HMOX2: variants seen among roughly 807,000 people sequenced by gnomAD.
HMOX2 encodes heme oxygenase 2.
Under a neutral mutation model 33.7 loss-of-function variants are expected in HMOX2, and 30 were observed. The ratio of observed to expected loss-of-function variants is 0.89; its 90% CI spans 0.67 to 1.21. The LOEUF is 1.21. Ranked by LOEUF, HMOX2 falls within the 50% of genes most tolerant of loss-of-function variation. The pLI is 0.00. For missense variants in HMOX2, 403 were observed against 399.1 expected (o/e 1.01, Z -0.08); for synonymous variants, 155 against 155.0 (o/e 1.00, Z 0.00).
Position 4,509,827 on chromosome 16 carries a change from C to T in HMOX2, c.*71C>T. On this transcript the variant is annotated 3_prime_UTR_variant, in exon 6 of 6. Transcript: ENST00000570646. ...GGCCTACCCCTTTCTCCAGCCCTGA[C>T]TAAACTACCACCTCAGGTGACTTTT... The T allele has an allele frequency of 6.6e-7, 1 of 1,508,800 alleles. No homozygotes were observed. Among genetic ancestry groups the T allele is most frequent in the Non-Finnish European group, 9.0e-7 (1 of 1,113,462 alleles). 93.5% of individuals were successfully genotyped at this position (1,508,800 alleles called of 1,614,324 possible).
intron 1 of HMOX2, among the ~76,000 whole-genome samples, chr16:4,480,102 C>T (rs1277592347): frequency 2.6e-5 from 4 of 151,620 alleles, no homozygotes; most frequent in Admixed American, 1.3e-4. Context: ...GGCTGGAGTA[C>T]AGTGATCTGA....
Position 4,507,782 on chromosome 16 carries a change from C to G in HMOX2, c.274C>G (p.Pro92Ala), listed in dbSNP as rs1457269941. The change falls in exon 4 of 6, where the codon CCA becomes GCA. Residue 92 changes from proline (P) to alanine (A), a missense_variant. Transcript: ENST00000570646. ...GGAAATGGAGCGCAACAAGGACCAT[C>G]CAGCCTTTGCCCCTTTGTACTTCCC... ...EEEMERNKDH[P>A]AFAPLYFPME... is the part of the protein sequence containing the mutation. 6.2e-7 allele frequency: 1 copy of G among 1,614,178 alleles called. No individual in the cohort carries two copies. Among genetic ancestry groups the G allele is most frequent in the Non-Finnish European group, 8.5e-7 (1 of 1,180,026 alleles).
chr16:4,476,870 C>T (rs1053108220), intron 1 of HMOX2, among the ~76,000 whole-genome samples: 1 of 152,192 alleles, frequency 6.6e-6, no homozygotes, highest in Non-Finnish European at 1.5e-5. Flanking sequence ...CTGGGGGCGT[C>T]GGCGGTGCAG....
chr16:4,505,498 G>A lies in HMOX2; in HGVS notation c.-27G>A. On this transcript the variant is annotated 5_prime_UTR_variant, in exon 2 of 6. Coordinates refer to ENST00000570646, the MANE Select transcript of HMOX2 (RefSeq NM_002134.4). ...TGTCTCTGCAGGACCAGAGGAGCGA[G>A]AGCAGCAAGAACCACACCCAGCAGC... 1.9e-6 allele frequency: 3 copies of A among 1,570,662 alleles called. No homozygotes were observed. The highest frequency in any genetic ancestry group is 2.6e-6 in the Non-Finnish European group (3 of 1,150,012).
chr16:4,485,587 G>T (rs190295142), intron 1 of HMOX2, among the ~76,000 whole-genome samples: 4 of 152,114 alleles, frequency 2.6e-5, no homozygotes, highest in African/African-American at 9.7e-5. Context: ...GGGAAGAGAA[G>T]GAAGGAGGCC....
intron 1 of HMOX2, among the ~76,000 whole-genome samples, chr16:4,493,279 C>T (rs1199271612): frequency 6.6e-6 from 1 of 152,194 alleles, no homozygotes; most frequent in Non-Finnish European, 1.5e-5. Flanking sequence ...CAGTCTCAAA[C>T]TCCTAGGCTC....
At chr16:4,507,143 G>A (rs2058714498) in intron 3 of HMOX2, 131 bp downstream of exon 3, 1 of 696,746 alleles carries the variant, frequency 1.4e-6, no homozygotes. Context: ...ATTCCTTCTT[G>A]ACGTTAAGCT....
intron 1 of HMOX2, among the ~76,000 whole-genome samples, chr16:4,490,414 G>A (rs1391756481): frequency 2.0e-5 from 3 of 152,110 alleles, no homozygotes; most frequent in African/African-American, 7.2e-5. Context: ...TAGCAGACCT[G>A]GTAGTAGAAG....
rs148777958 is a variant in HMOX2, at chr16:4,483,297, C to T, written c.-42+6810C>T. Among the ~76,000 whole-genome samples, 11 of 151,122 alleles carry T rather than the reference C, an allele frequency of 7.3e-5. No homozygotes were observed. The East Asian group carries it at 2.2e-3, about 30-fold the overall frequency. ...CTGGTGATCAACTCAACCTTTAGACCTTCTCCCGTCCCCTGAGGTTAAGGG... is the reference window on the plus strand; with the variant it reads ...CTGGTGATCAACTCAACCTTTAGACTTTCTCCCGTCCCCTGAGGTTAAGGG... On this transcript the variant is annotated intron_variant, in intron 1 of 5. Coordinates refer to ENST00000570646, the MANE Select transcript of HMOX2 (RefSeq NM_002134.4).
rs187739644 is a variant in HMOX2, at chr16:4,484,863, T to C, written c.-42+8376T>C. 1.4e-3 allele frequency among the ~76,000 whole-genome samples: 217 copies of C among 152,308 alleles called. 5 individuals carry two copies. The highest frequency in any genetic ancestry group is 0.013 in the Admixed American group (199 of 15,294). Reference sequence around the variant, plus strand: ...ATTTATAATACCCAATACAGTGCTATGTAAATAGTTGTTATACTGTATCGT... The same window carrying C: ...ATTTATAATACCCAATACAGTGCTACGTAAATAGTTGTTATACTGTATCGT... On this transcript the variant is annotated intron_variant, in intron 1 of 5. Transcript: ENST00000570646.
chr16:4,500,843 G>GT (rs1171213946), intron 1 of HMOX2, among the ~76,000 whole-genome samples: 2 of 152,198 alleles, frequency 1.3e-5, no homozygotes, highest in South Asian at 4.1e-4. Flanking sequence ...TTTGCTTGAA[G>GT]TAACTGTGAT....
rs192255825 is a variant in HMOX2, at chr16:4,478,064, A to G, written c.-42+1577A>G. On this transcript the variant is annotated intron_variant, in intron 1 of 5. Coordinates refer to ENST00000570646, the MANE Select transcript of HMOX2 (RefSeq NM_002134.4). ...GTTTAAACACTGGTGAGGGTGTGGG[A>G]ATTTGTGGAGCCTTGGAAACACACT... Among the ~76,000 whole-genome samples the G allele has an allele frequency of 2.0e-5, 3 of 152,286 alleles. No homozygotes were observed. In the East Asian group the frequency reaches 5.8e-4, roughly 29 times the overall value.
At chr16:4,485,922 C>T (rs566517898) in intron 1 of HMOX2, among the ~76,000 whole-genome samples, 3 of 152,174 alleles carry the variant, frequency 2.0e-5, no homozygotes, top group South Asian at 2.1e-4. Flanking sequence ...CAAGGTTTCA[C>T]CATGTTGGCC....
intron 1 of HMOX2, among the ~76,000 whole-genome samples, chr16:4,480,438 G>T (rs1376816444): frequency 1.4e-5 from 2 of 148,066 alleles, no homozygotes; most frequent in Non-Finnish European, 3.0e-5. Flanking sequence ...TCTGCCTCCT[G>T]GGTTCAAGTG....
chr16:4,499,242 T>C (rs985948412), intron 1 of HMOX2, among the ~76,000 whole-genome samples: 5 of 152,238 alleles, frequency 3.3e-5, no homozygotes, highest in African/African-American at 1.2e-4. Flanking sequence ...TCATGCGTGT[T>C]AGCCCACTTA....
chr16:4,494,520 G>A (rs1313685456), intron 1 of HMOX2, among the ~76,000 whole-genome samples: 1 of 152,032 alleles, frequency 6.6e-6, no homozygotes, highest in African/African-American at 2.4e-5. Flanking sequence ...TTTAAGTGTG[G>A]TTATGAGATG....
chr16:4,489,387 C>G (rs2058252916), intron 1 of HMOX2, among the ~76,000 whole-genome samples: 1 of 152,142 alleles, frequency 6.6e-6, no homozygotes, highest in South Asian at 2.1e-4. Flanking sequence ...GTCATGGGCT[C>G]AAGTGATCCG....
rs145115777 is a variant in HMOX2, at chr16:4,507,911, G to A, written c.403G>A (p.Val135Met). The change falls in exon 4 of 6, where the codon GTG becomes ATG. Residue 135 changes from valine (V) to methionine (M), a missense_variant. Physicochemically the swap from Val to Met is conservative, Grantham distance 21 (BLOSUM62 1). Transcript: ENST00000570646. ...GTGCCCCAAGGCTGCCCAGAAGTAC[G>A]TGGAGCGGATCCACTACATAGGGCA... ...VQCPKAAQKY[V>M]ERIHYIGQNE... is the part of the protein sequence containing the mutation. 1.4e-4 allele frequency: 233 copies of A among 1,613,986 alleles called. No homozygotes were observed. Among genetic ancestry groups the A allele is most frequent in the African/African-American group, 2.4e-4 (18 of 74,904 alleles).
upstream of HMOX2, chr16:4,474,795 G>A (rs1464962428): frequency 6.6e-6 from 1 of 152,348 alleles, no homozygotes; most frequent in Non-Finnish European, 1.5e-5. Context: ...GGTGATGACT[G>A]GGAGGAGGAG....
Sources: gnomAD v4.1 joint callset for allele counts (sites outside exome capture counted in the v4.1 genomes callset) on GRCh38, gnomAD v4.1.1 for gene constraint, MANE v1.5 for transcripts, NCBI Gene and HGNC (gene_info 2026-07-23, HGNC 2026-07-21) for gene names.